The following RNF187 variants were observed in gnomAD, a reference collection of about 807,000 sequenced individuals.
RNF187 encodes E3 ubiquitin-protein ligase RNF187.
Under a neutral mutation model 22.2 loss-of-function variants are expected in RNF187, and 18 were observed. The ratio of observed to expected loss-of-function variants is 0.81; its 90% CI spans 0.56 to 1.20. RNF187 has a LOEUF of 1.20. RNF187 is among the 50% of genes most tolerant of loss of function. The pLI is 0.00. For missense variants in RNF187, 329 were observed against 317.6 expected (o/e 1.04, Z -0.27); for synonymous variants, 164 against 140.9 (o/e 1.16, Z -1.16).
rs1418193344 is a variant in RNF187, at chr1:228,487,839, C to G, written c.351C>G (p.Pro117=). 2.9e-5 allele frequency: 36 copies of G among 1,228,858 alleles called. No individual in the cohort carries two copies. The highest frequency in any genetic ancestry group is 2.0e-4 in the South Asian group (8 of 39,708). The allele number at this position is 1,228,858 out of a possible 1,614,324, so 76.1% of individuals were successfully genotyped here. A position where few individuals can be genotyped will look rare whatever the true frequency, so the allele number is the denominator to read the frequency against. The change falls in exon 1 of 4, where the codon CCC becomes CCG. Residue 117 remains proline (P), a synonymous_variant. Transcript: ENST00000305943. ...GTATGGCTGCGGGCCCCGAGCCGCC[C>G]GAGTGGGAACCGCGCTGGAGGAAGG...
At position 228,493,389 on chromosome 1, in the gene RNF187, A is replaced by G; in HGVS notation, c.705+115A>G. 4 of 1,456,276 alleles carry G rather than the reference A, an allele frequency of 2.7e-6. No homozygotes were observed. Among genetic ancestry groups the G allele is most frequent in the East Asian group, 2.5e-5 (1 of 40,088 alleles). 90.2% of individuals were successfully genotyped at this position (1,456,276 alleles called of 1,614,324 possible). ...GGCTTAAAAGCCCAGCCTGACTCCC[A>G]CTGCCGTGGCCTTGCAGGGCTGAAT... On this transcript the variant is annotated intron_variant, in intron 3 of 3. Transcript: ENST00000305943. This position sits in a 1 kb window ranked among gnomAD's most constrained non-coding sequence, Gnocchi z 4.7.
intron 2 of RNF187, among the ~76,000 whole-genome samples, chr1:228,489,487 T>TG: frequency 6.6e-6 from 1 of 151,992 alleles, no homozygotes; most frequent in Non-Finnish European, 1.5e-5. Context: ...TTTCTAGAGG[T>TG]GGGGGTCTTG....
chr1:228,487,963 C>T, intron 1 of RNF187, 85 bp downstream of exon 1: 7 of 858,864 alleles, frequency 8.2e-6, no homozygotes, highest in Non-Finnish European at 1.0e-5. Flanking sequence ...AGCCCTGGGC[C>T]CTTCCCGTCT....
Position 228,494,325 on chromosome 1 carries a change from A to C in RNF187, c.*440A>C. The C allele has an allele frequency of 9.3e-7, 1 of 1,075,016 alleles. No homozygotes were observed. The highest frequency in any genetic ancestry group is 1.6e-5 in the African/African-American group (1 of 61,628). The allele number at this position is 1,075,016 out of a possible 1,614,324, so 66.6% of individuals were successfully genotyped here. On this transcript the variant is annotated 3_prime_UTR_variant, in exon 4 of 4. Transcript: ENST00000305943. Reference sequence around the variant, plus strand: ...TTTGGGGTTAGCATCCAGAAAGAAGAATGCGCATGACGCTCTGTGAAGGCT... The same window carrying C: ...TTTGGGGTTAGCATCCAGAAAGAAGCATGCGCATGACGCTCTGTGAAGGCT...
chr1:228,494,972 T>C lies in RNF187; in HGVS notation c.*1087T>C. The C allele has an allele frequency of 3.0e-6, 3 of 985,564 alleles. No individual in the cohort carries two copies. The highest frequency in any genetic ancestry group is 2.4e-6 in the Non-Finnish European group (2 of 830,030). The allele number at this position is 985,564 out of a possible 1,614,324, so 61.1% of individuals were successfully genotyped here. On this transcript the variant is annotated 3_prime_UTR_variant, in exon 4 of 4. Coordinates refer to ENST00000305943, the MANE Select transcript of RNF187 (RefSeq NM_001010858.3). ...CTGAATAAAGTGGGTTTGTGTCAGC[T>C]CGTTTGCTTCGTCTCCGTGTGTCCA... is the stretch of plus-strand genomic sequence containing the variant.
chr1:228,488,024 C>G lies in RNF187; in HGVS notation c.390+146C>G. The G allele has an allele frequency of 2.1e-3, 884 of 414,156 alleles. 4 individuals are homozygous for G. The highest frequency in any genetic ancestry group is 0.018 in the Middle Eastern group (18 of 1,018). 25.7% of individuals were successfully genotyped at this position (414,156 alleles called of 1,614,324 possible). On this transcript the variant is annotated intron_variant, in intron 1 of 3. Transcript: ENST00000305943. ...CCCGTCCCCGGATTGTCCCCCTCCCCTCACCGCCACGGGTCCCCTCTCCAG... is the reference window on the plus strand; with the variant it reads ...CCCGTCCCCGGATTGTCCCCCTCCCGTCACCGCCACGGGTCCCCTCTCCAG...
Position 228,494,588 on chromosome 1 carries a change from G to C in RNF187, c.*703G>C. The C allele has an allele frequency of 1.0e-6, 1 of 985,738 alleles. No individual in the cohort carries two copies. Among genetic ancestry groups the C allele is most frequent in the Non-Finnish European group, 1.2e-6 (1 of 830,232 alleles). 61.1% of individuals were successfully genotyped at this position (985,738 alleles called of 1,614,324 possible). A position where few individuals can be genotyped will look rare whatever the true frequency, so the allele number is the denominator to read the frequency against. On this transcript the variant is annotated 3_prime_UTR_variant, in exon 4 of 4. Coordinates refer to ENST00000305943, the MANE Select transcript of RNF187 (RefSeq NM_001010858.3). Reference sequence around the variant, plus strand: ...TCTGTTTCCCTGGGTGAGGGGGCTGGCAGGTGGCTAACCCCATTTAGCATC... The same window carrying C: ...TCTGTTTCCCTGGGTGAGGGGGCTGCCAGGTGGCTAACCCCATTTAGCATC...
chr1:228,491,910 G>T, intron 2 of RNF187, among the ~76,000 whole-genome samples: 2 of 152,202 alleles, frequency 1.3e-5, no homozygotes, highest in Admixed American at 1.3e-4. Flanking sequence ...TTTTCACAAG[G>T]TCTGTACCAA....
At chr1:228,492,964 G>C in intron 2 of RNF187, 89 bp from the exon 3 acceptor site, 2 of 1,379,446 alleles carry the variant, frequency 1.4e-6, no homozygotes. Flanking sequence ...GGAGTGGCAT[G>C]TTCTTAACTC....
chr1:228,489,131 A>G, intron 2 of RNF187, 79 bp downstream of exon 2: 1 of 1,238,226 alleles, frequency 8.1e-7, no homozygotes, highest in Admixed American at 2.0e-5. Flanking sequence ...CACCAGGCCA[A>G]GTGGGCCAGG....
intron 2 of RNF187, among the ~76,000 whole-genome samples, chr1:228,490,165 G>A: frequency 1.3e-5 from 2 of 152,216 alleles, no homozygotes; most frequent in African/African-American, 4.8e-5. Context: ...GTAACTGGCT[G>A]CATCTCGAGG....
At position 228,495,798 on chromosome 1, in the gene RNF187, T is replaced by G; in HGVS notation, c.*1913T>G. 3 of 947,250 alleles carry G rather than the reference T, an allele frequency of 3.2e-6. No homozygotes were observed. Among genetic ancestry groups the G allele is most frequent in the Non-Finnish European group, 3.8e-6 (3 of 795,240 alleles). 58.7% of individuals were successfully genotyped at this position (947,250 alleles called of 1,614,324 possible). A position where few individuals can be genotyped will look rare whatever the true frequency, so the allele number is the denominator to read the frequency against. ...TTTGATATCTATGTACATTGTGGAG[T>G]GACAGATTAATGTATCCATCTCATG... On this transcript the variant is annotated 3_prime_UTR_variant, in exon 4 of 4. Coordinates refer to ENST00000305943, the MANE Select transcript of RNF187 (RefSeq NM_001010858.3).
At chr1:228,491,305 T>G in intron 2 of RNF187, among the ~76,000 whole-genome samples, 2 of 142,448 alleles carry the variant, frequency 1.4e-5, no homozygotes, top group African/African-American at 5.3e-5. Flanking sequence ...GGAGGATCAC[T>G]TAAGCCCAAG....
Position 228,487,810 on chromosome 1 carries a change from T to A in RNF187, c.322T>A (p.Cys108Ser). 2 of 1,171,428 alleles carry A rather than the reference T, an allele frequency of 1.7e-6. No homozygotes were observed. Among genetic ancestry groups the A allele is most frequent in the Non-Finnish European group, 2.1e-6 (2 of 947,482 alleles). The allele number at this position is 1,171,428 out of a possible 1,614,324, so 72.6% of individuals were successfully genotyped here. A position where few individuals can be genotyped will look rare whatever the true frequency, so the allele number is the denominator to read the frequency against. Reference sequence around the variant, plus strand: ...CGACGCCGGCCCGCTCTGCGCCGCCTGCCGTATGGCTGCGGGCCCCGAGCC... The same window carrying A: ...CGACGCCGGCCCGCTCTGCGCCGCCAGCCGTATGGCTGCGGGCCCCGAGCC... The change falls in exon 1 of 4, where the codon TGC becomes AGC. Residue 108 changes from cysteine to serine, a missense_variant. Physicochemically the swap from Cys to Ser is moderately radical, Grantham distance 112 (BLOSUM62 -1). Coordinates refer to ENST00000305943, the MANE Select transcript of RNF187 (RefSeq NM_001010858.3).
intron 1 of RNF187, 47 bp downstream of exon 1, chr1:228,487,925 C>G: frequency 4.5e-6 from 5 of 1,100,642 alleles, no homozygotes; most frequent in Non-Finnish European, 5.6e-6. Flanking sequence ...GTGCCCTGCG[C>G]CTCTCCGCCC....
chr1:228,489,786 G>A, intron 2 of RNF187, among the ~76,000 whole-genome samples: 1 of 152,048 alleles, frequency 6.6e-6, no homozygotes, highest in Non-Finnish European at 1.5e-5. Flanking sequence ...CTTTGTGTAA[G>A]GACACTGATT....
Position 228,494,405 on chromosome 1 carries a change from C to G in RNF187, c.*520C>G. The G allele has an allele frequency of 4.0e-6, 4 of 1,002,580 alleles. No homozygotes were observed. Among genetic ancestry groups the G allele is most frequent in the Non-Finnish European group, 4.8e-6 (4 of 839,472 alleles). The allele number at this position is 1,002,580 out of a possible 1,614,324, so 62.1% of individuals were successfully genotyped here. A position where few individuals can be genotyped will look rare whatever the true frequency, so the allele number is the denominator to read the frequency against. On this transcript the variant is annotated 3_prime_UTR_variant, in exon 4 of 4. Transcript: ENST00000305943. ...AGACTGGATTGCACCTTGATGCCTC[C>G]TGAGGAGGCGGCCCCCCTCTTGAGG...
At chr1:228,488,537 C>T in intron 1 of RNF187, 147 of 164,880 alleles carry the variant, frequency 8.9e-4, no homozygotes, top group African/African-American at 2.3e-3. Flanking sequence ...GGGTCCTGCT[C>T]TTCAATACAG....
rs1571797095 is a variant in RNF187 at position 228,487,415 on chromosome 1, C to G, written c.-74C>G. 1 of 1,073,844 alleles carries G rather than the reference C, an allele frequency of 9.3e-7. No homozygotes were observed. The allele number at this position is 1,073,844 out of a possible 1,614,324, so 66.5% of individuals were successfully genotyped here. ...CTTCGTCCTGTTGCTGGTCTCCGTC[C>G]GGTCGCCGGCCGTCTAGGTCTCCGG... On this transcript the variant is annotated 5_prime_UTR_variant, in exon 1 of 4. Transcript: ENST00000305943.
Sources: gnomAD v4.1 joint callset for allele counts (sites outside exome capture counted in the v4.1 genomes callset) on GRCh38, gnomAD v4.1.1 for gene constraint, Gnocchi (gnomAD v3.1) non-coding constraint, MANE v1.5 for transcripts, NCBI Gene and HGNC (gene_info 2026-07-23, HGNC 2026-07-21) for gene names.